TGM6: variants seen among roughly 807,000 people sequenced by gnomAD.
The protein encoded by TGM6 is protein-glutamine gamma-glutamyltransferase 6.
Under a neutral mutation model 77.5 loss-of-function variants are expected in TGM6, and 74 were observed. The observed-to-expected ratio is 0.96, with a 90% confidence interval of 0.79 to 1.16. TGM6 has a LOEUF of 1.16. Among genes scored for constraint, TGM6 ranks in the 50% most tolerant of loss-of-function variants. The pLI, the probability that TGM6 is intolerant of heterozygous loss-of-function variation, is 0.00. For missense variants in TGM6, 968 were observed against 940.2 expected (o/e 1.03, Z -0.39); for synonymous variants, 383 against 378.9 (o/e 1.01, Z -0.12).
At chr20:2,383,740 C>T (rs1967678) in intron 1 of TGM6, among the ~76,000 whole-genome samples, 6,310 of 152,108 alleles carry the variant, frequency 0.041, 155 homozygotes, top group African/African-American at 0.074. Flanking sequence ...CAAGAAACCC[C>T]GTGCATGTAG....
At chr20:2,405,098 T>C (rs2084740530) in intron 9 of TGM6, among the ~76,000 whole-genome samples, 1 of 152,228 alleles carries the variant, frequency 6.6e-6, no homozygotes, top group African/African-American at 2.4e-5. Context: ...CTCACATATG[T>C]CTGTCACGTG....
intron 10 of TGM6, among the ~76,000 whole-genome samples, chr20:2,427,642 A>C (rs1264454748): frequency 6.6e-6 from 1 of 152,094 alleles, no homozygotes; most frequent in East Asian, 1.9e-4. Flanking sequence ...AGATTATTGG[A>C]TTTAGATCCT....
intron 10 of TGM6, among the ~76,000 whole-genome samples, chr20:2,428,112 A>G (rs890799274): frequency 2.0e-5 from 3 of 152,094 alleles, no homozygotes; most frequent in Non-Finnish European, 4.4e-5. Flanking sequence ...CATAATTTCT[A>G]TTATTTTAAA....
At chr20:2,405,144 G>A (rs527350465) in intron 9 of TGM6, among the ~76,000 whole-genome samples, 61 of 152,108 alleles carry the variant, frequency 4.0e-4, no homozygotes, top group Non-Finnish European at 7.6e-4. Context: ...GTTCCCACTC[G>A]GCCTCTCATG....
intron 10 of TGM6, among the ~76,000 whole-genome samples, chr20:2,423,623 G>A (rs1037150299): frequency 6.6e-5 from 10 of 152,006 alleles, no homozygotes; most frequent in African/African-American, 2.2e-4. Context: ...ATAAGAGTTG[G>A]AATCAACTTC....
intron 1 of TGM6, among the ~76,000 whole-genome samples, chr20:2,382,526 G>T (rs1267953647): frequency 6.6e-6 from 1 of 152,216 alleles, no homozygotes; most frequent in Admixed American, 6.5e-5. Context: ...TAACTAACTT[G>T]CTGGGTTCCT....
At chr20:2,418,755 A>G (rs1189698901) in intron 10 of TGM6, among the ~76,000 whole-genome samples, 1 of 152,192 alleles carries the variant, frequency 6.6e-6, no homozygotes, top group Non-Finnish European at 1.5e-5. Flanking sequence ...GTATTTTTTT[A>G]ACTGACCTTA....
At chr20:2,390,718 G>A (rs1335986638) in intron 1 of TGM6, among the ~76,000 whole-genome samples, 1 of 152,198 alleles carries the variant, frequency 6.6e-6, no homozygotes, top group Non-Finnish European at 1.5e-5. Flanking sequence ...GAGAAGGAGA[G>A]TAGGGGTGAT....
At chr20:2,399,096 T>C (rs975135615) in intron 5 of TGM6, among the ~76,000 whole-genome samples, 1 of 151,372 alleles carries the variant, frequency 6.6e-6, no homozygotes, top group African/African-American at 2.4e-5. Context: ...GCTGTGTGAT[T>C]TGGGCAGGTC....
intron 1 of TGM6, among the ~76,000 whole-genome samples, chr20:2,387,547 TG>T: frequency 6.6e-6 from 1 of 152,338 alleles, no homozygotes; most frequent in African/African-American, 2.4e-5. Context: ...CAGGGGCTTC[TG>T]GCCTAGGCTA....
intron 12 of TGM6, 40 bp downstream of exon 12, chr20:2,431,067 T>C: frequency 6.3e-7 from 1 of 1,595,246 alleles, no homozygotes; most frequent in Non-Finnish European, 8.5e-7. Context: ...AATGGGGCTC[T>C]CTTCCTTGTG....
rs756832151 is a variant in TGM6, at chr20:2,403,822, A to G, written c.1335A>G (p.Glu445=). ...VDITDLYKYP[E]GSRKERQVYS... is the part of the protein sequence containing the mutation. Reference sequence around the variant, plus strand: ...TCACTGACCTCTACAAGTATCCGGAAGGTAAGGGCCACATGGCGGCCTTTA... The same window carrying G: ...TCACTGACCTCTACAAGTATCCGGAGGGTAAGGGCCACATGGCGGCCTTTA... Residue 445 remains glutamate, a splice_region_variant and synonymous_variant, in exon 9 of 13, where the codon GAA becomes GAG. Coordinates refer to ENST00000202625, the MANE Select transcript of TGM6 (RefSeq NM_198994.3). The G allele has an allele frequency of 1.2e-6, 2 of 1,614,104 alleles. No individual in the cohort carries two copies. Among genetic ancestry groups the G allele is most frequent in the Non-Finnish European group, 1.7e-6 (2 of 1,180,036 alleles).
rs6106621 is a variant in TGM6, at chr20:2,396,274, T to A, written c.425-232T>A. ...GACATCAAGGAGGCCCACCCAAAGC[T>A]GTCAGTTCCCATAAAACTCTTTTGG... is the stretch of plus-strand genomic sequence containing the variant. On this transcript the variant is annotated intron_variant, in intron 3 of 12. Coordinates refer to ENST00000202625, the MANE Select transcript of TGM6 (RefSeq NM_198994.3). Among the ~76,000 whole-genome samples, 99,781 of 152,014 alleles carry A rather than the reference T, an allele frequency of 0.66. 32,910 individuals carry two copies. Among genetic ancestry groups the A allele is most frequent in the South Asian group, 0.77 (3,716 of 4,820 alleles).
chr20:2,389,363 T>C (rs1212037723), intron 1 of TGM6, among the ~76,000 whole-genome samples: 1 of 152,092 alleles, frequency 6.6e-6, no homozygotes, highest in East Asian at 1.9e-4. Flanking sequence ...TAACATATGA[T>C]TGCAACCCCA....
chr20:2,400,568 C>A (rs901971086), intron 7 of TGM6, 124 bp downstream of exon 7: 6 of 1,445,510 alleles, frequency 4.2e-6, no homozygotes, highest in African/African-American at 1.4e-5. Context: ...GAATCTGAGC[C>A]GGCTCTGGAG....
Position 2,394,604 on chromosome 20 carries a change from C to T in TGM6, c.160C>T (p.Leu54Phe). ...CAGAGCCCTGGACTGTGAGGAGATC[C>T]TCATCTTCACGATGGAGACAGGTAA... ...LSRALDCEEI[L>F]IFTMETGPRA... The change falls in exon 2 of 13, where the codon CTC becomes TTC. Residue 54 changes from leucine (L) to phenylalanine (F), a missense_variant. By Grantham distance (22) the Leu-to-Phe change is conservative. Coordinates refer to ENST00000202625, the MANE Select transcript of TGM6 (RefSeq NM_198994.3). The T allele has an allele frequency of 1.2e-6, 2 of 1,611,678 alleles. No individual in the cohort carries two copies. Among genetic ancestry groups the T allele is most frequent in the South Asian group, 2.2e-5 (2 of 90,712 alleles).
In TGM6 at chr20:2,401,963, C is replaced by T. The variant is rs1175330688; in HGVS notation, c.990-1434C>T. ...CTAAAGATTAGGAGAGATGGCTGGGCGCGGTGGCTCGCACCTGTAATCCCA... is the reference window on the plus strand; with the variant it reads ...CTAAAGATTAGGAGAGATGGCTGGGTGCGGTGGCTCGCACCTGTAATCCCA... On this transcript the variant is annotated intron_variant, in intron 7 of 12. Coordinates refer to ENST00000202625, the MANE Select transcript of TGM6 (RefSeq NM_198994.3). Among the ~76,000 whole-genome samples the T allele has an allele frequency of 9.9e-5, 15 of 152,254 alleles. No individual in the cohort carries two copies. The South Asian group carries it at 2.1e-3, about 21-fold the overall frequency.
At chr20:2,381,067 A>G in intron 1 of TGM6, 92 bp downstream of exon 1, 1 of 1,521,680 alleles carries the variant, frequency 6.6e-7, no homozygotes, top group Non-Finnish European at 9.0e-7. Flanking sequence ...TTGATCATCG[A>G]TTGTTAGGAT....
intron 9 of TGM6, among the ~76,000 whole-genome samples, chr20:2,412,004 G>A (rs1159080663): frequency 6.6e-6 from 1 of 152,148 alleles, no homozygotes. Context: ...ATTATTCAAA[G>A]TAGCCAAAAC....
Sources: allele counts gnomAD v4.1 joint callset (sites outside exome capture counted in the v4.1 genomes callset), GRCh38; gene constraint gnomAD v4.1.1; transcripts MANE v1.5; gene names NCBI Gene and HGNC (gene_info 2026-07-23, HGNC 2026-07-21).